Variants in SNX29 observed in about 807,000 individuals in gnomAD.
SNX29 encodes sorting nexin-29.
SNX29 carries 78 observed loss-of-function variants against 102.1 expected under a neutral mutation model. That is an observed-to-expected ratio of 0.76 (90% CI 0.64 to 0.92). SNX29 has a LOEUF of 0.92. SNX29 is among the 40% of genes least tolerant of loss of function. The probability of loss-of-function intolerance (pLI) is 0.00; values close to 1 mark genes in which losing one functional copy is unlikely to be tolerated. For missense variants in SNX29, 1,280 were observed against 1,061.7 expected (o/e 1.21, Z -2.86); for synonymous variants, 580 against 414.5 (o/e 1.40, Z -4.85).
chr16:12,543,053 G>C (rs574349551), intron 20 of SNX29, among the ~76,000 whole-genome samples: 12 of 152,294 alleles, frequency 7.9e-5, no homozygotes, highest in South Asian at 4.1e-4. Flanking sequence ...GTGTCACCAG[G>C]ACCCTGTTGG....
Position 12,316,482 on chromosome 16 carries a change from G to T in SNX29, c.1782+38446G>T, listed in dbSNP as rs146367272. The stretch of plus-strand genomic sequence containing the variant: ...TGCTTGAATCCAGGAGGCGGAGGTT[G>T]CAGTGAGCCGAGATTGTGCCACTGC... On this transcript the variant is annotated intron_variant, in intron 15 of 20. Transcript: ENST00000566228. Among the ~76,000 whole-genome samples, 786 of 152,306 alleles carry T rather than the reference G, an allele frequency of 5.2e-3. 40 individuals carry two copies. In the East Asian group the frequency reaches 0.12, roughly 24 times the overall value.
chr16:12,462,785 A>G (rs533402542), intron 18 of SNX29, among the ~76,000 whole-genome samples: 1 of 152,360 alleles, frequency 6.6e-6, no homozygotes, highest in East Asian at 1.9e-4. Flanking sequence ...TTCACAGGGA[A>G]ATAAAAAGCT....
At chr16:12,064,212 G>C (rs1596746184) in intron 9 of SNX29, among the ~76,000 whole-genome samples, 1 of 152,182 alleles carries the variant, frequency 6.6e-6, no homozygotes, top group Non-Finnish European at 1.5e-5. Flanking sequence ...AGACATCCGG[G>C]TCAGCTCCTT....
At chr16:12,558,426 T>C (rs2078508769) in intron 20 of SNX29, among the ~76,000 whole-genome samples, 1 of 152,192 alleles carries the variant, frequency 6.6e-6, no homozygotes, top group Non-Finnish European at 1.5e-5. Context: ...AAAGCTGACA[T>C]CTAGAAAGCA....
chr16:12,522,791 C>T (rs747166779), intron 19 of SNX29, among the ~76,000 whole-genome samples: 42 of 152,256 alleles, frequency 2.8e-4, no homozygotes, highest in Middle Eastern at 3.4e-3. Flanking sequence ...ATTACCCAGT[C>T]TCAGGTAGTT....
At chr16:12,539,559 C>G (rs1185709767) in intron 20 of SNX29, among the ~76,000 whole-genome samples, 2 of 152,326 alleles carry the variant, frequency 1.3e-5, no homozygotes, top group South Asian at 2.1e-4. Context: ...TCAAGTGCAG[C>G]TTTTTGTGTG....
At chr16:12,008,005 G>T (rs530450289) in intron 3 of SNX29, among the ~76,000 whole-genome samples, 1 of 152,036 alleles carries the variant, frequency 6.6e-6, no homozygotes, top group Non-Finnish European at 1.5e-5. Context: ...GTGCAGTGGC[G>T]CTATCTCGGC....
intron 19 of SNX29, among the ~76,000 whole-genome samples, chr16:12,523,422 G>A (rs555070833): frequency 3.2e-4 from 49 of 152,260 alleles, no homozygotes; most frequent in South Asian, 1.5e-3. Flanking sequence ...CTTGGTCTTC[G>A]GTCCAGAAGG....
At chr16:12,432,288 C>G (rs74011720) in intron 18 of SNX29, among the ~76,000 whole-genome samples, 3,474 of 152,302 alleles carry the variant, frequency 0.023, 139 homozygotes, top group African/African-American at 0.079. Flanking sequence ...ATCTTGTATT[C>G]TAAGACTTGA....
At chr16:12,373,336 C>G (rs1344090818) in intron 16 of SNX29, among the ~76,000 whole-genome samples, 2 of 152,076 alleles carry the variant, frequency 1.3e-5, no homozygotes, top group African/African-American at 4.8e-5. Flanking sequence ...CACTATATGG[C>G]CCAGGCTGGT....
intron 14 of SNX29, among the ~76,000 whole-genome samples, chr16:12,227,721 G>A (rs2077652945): frequency 6.6e-6 from 1 of 151,798 alleles, no homozygotes; most frequent in Non-Finnish European, 1.5e-5. Flanking sequence ...CCAACATGGC[G>A]AAACCCAGTC....
chr16:11,982,447 T>TTTTTTTTG (rs2055442063), intron 1 of SNX29, among the ~76,000 whole-genome samples: 1 of 148,534 alleles, frequency 6.7e-6, no homozygotes, highest in Admixed American at 6.8e-5. Context: ...TTTTTTGTTT[T>TTTTTTTTG]GAGATGGAGT....
rs542377294 is a variant in SNX29 at position 12,568,724 on chromosome 16, C to T, written c.*95C>T. 63 of 1,509,470 alleles carry T rather than the reference C, an allele frequency of 4.2e-5. No homozygotes were observed. The African/African-American group carries it at 5.8e-4, about 14-fold the overall frequency. The allele number at this position is 1,509,470 out of a possible 1,614,324, so 93.5% of individuals were successfully genotyped here. A position where few individuals can be genotyped will look rare whatever the true frequency, so the allele number is the denominator to read the frequency against. The stretch of plus-strand genomic sequence containing the variant: ...GCCCCTCACCTCAGCGTGACAACCA[C>T]GTCCACCTGGTGATCCTGAGAGCAC... On this transcript the variant is annotated 3_prime_UTR_variant, in exon 21 of 21. Coordinates refer to ENST00000566228, the MANE Select transcript of SNX29 (RefSeq NM_032167.5).
At chr16:12,346,726 C>T (rs935053441) in intron 15 of SNX29, among the ~76,000 whole-genome samples, 15 of 152,200 alleles carry the variant, frequency 9.9e-5, no homozygotes, top group Non-Finnish European at 4.4e-5. Flanking sequence ...TCATTGCTCA[C>T]CAACCACCAG....
At chr16:12,331,076 G>A (rs2081278450) in intron 15 of SNX29, among the ~76,000 whole-genome samples, 1 of 152,226 alleles carries the variant, frequency 6.6e-6, no homozygotes, top group African/African-American at 2.4e-5. Context: ...GTGTTTGGAA[G>A]GGGGCTGTGG....
At chr16:12,202,704 C>G (rs1021910945) in intron 14 of SNX29, among the ~76,000 whole-genome samples, 3 of 152,250 alleles carry the variant, frequency 2.0e-5, no homozygotes, top group Non-Finnish European at 2.9e-5. Context: ...TCCTCCTCCT[C>G]TCCTTTCACT....
At chr16:12,248,406 T>TTC (rs1468744554) in intron 14 of SNX29, among the ~76,000 whole-genome samples, 2 of 149,622 alleles carry the variant, frequency 1.3e-5, no homozygotes, top group East Asian at 3.9e-4. Context: ...TTTTTTTTTT[T>TTC]TCTTTTTTTG....
At chr16:12,261,398 G>A (rs1360501936) in intron 14 of SNX29, among the ~76,000 whole-genome samples, 2 of 131,478 alleles carry the variant, frequency 1.5e-5, no homozygotes, top group African/African-American at 3.0e-5. Context: ...ACGTGTCCCC[G>A]GCTGGAGTAA....
intron 13 of SNX29, among the ~76,000 whole-genome samples, chr16:12,168,907 G>GA (rs1299945226): frequency 6.6e-6 from 1 of 152,178 alleles, no homozygotes; most frequent in Non-Finnish European, 1.5e-5. Context: ...AGAGAGGGCA[G>GA]AACCTTGGCA....
Sources: gnomAD v4.1 joint callset for allele counts (sites outside exome capture counted in the v4.1 genomes callset) on GRCh38, gnomAD v4.1.1 for gene constraint, MANE v1.5 for transcripts, NCBI Gene and HGNC (gene_info 2026-07-23, HGNC 2026-07-21) for gene names.